Variants in CFAP70 observed in about 807,000 individuals in gnomAD.
CFAP70 encodes cilia- and flagella-associated protein 70.
CFAP70 carries 81 observed loss-of-function variants against 137.6 expected under a neutral mutation model. The ratio of observed to expected loss-of-function variants is 0.59; its 90% CI spans 0.49 to 0.71. The LOEUF (loss-of-function observed/expected upper bound fraction) is 0.71, where lower values mean the gene tolerates loss of function less well. CFAP70 is among the 30% of genes least tolerant of loss of function. The pLI, the probability that CFAP70 is intolerant of heterozygous loss-of-function variation, is 0.00. For missense variants in CFAP70, 976 were observed against 1,226.7 expected (o/e 0.80, Z 3.05); for synonymous variants, 382 against 423.6 (o/e 0.90, Z 1.20).
At chr10:73,335,663 AACT>A (rs1372271214) in intron 6 of CFAP70, 139 bp from the exon 8 acceptor site, 3 of 478,136 alleles carry the variant, frequency 6.3e-6, no homozygotes, top group Non-Finnish European at 1.1e-5. Context: ...CTACTATTGC[AACT>A]ACTACCACCA....
chr10:73,287,308 ATGG>A (rs2047799892), intron 19 of CFAP70, among the ~76,000 whole-genome samples: 1 of 152,204 alleles, frequency 6.6e-6, no homozygotes, highest in Non-Finnish European at 1.5e-5. Context: ...CTATAATACA[ATGG>A]TAAGTATTTG....
intron 5 of CFAP70, among the ~76,000 whole-genome samples, chr10:73,341,849 A>T (rs2053280452): frequency 6.6e-6 from 1 of 152,216 alleles, no homozygotes; most frequent in Admixed American, 6.5e-5. Context: ...GTAACTGATT[A>T]TTTCCCTGAA....
exon 12 of CFAP70, chr10:73,310,182 C>A: frequency 1.9e-6 from 3 of 1,612,370 alleles, no homozygotes; most frequent in Non-Finnish European, 1.7e-6. Flanking sequence ...CTCTGGCATT[C>A]GCTTTGGAAC....
rs1290832528 is a variant in CFAP70 at position 73,272,991 on chromosome 10, C to G, written c.2862G>C (p.Met954Ile). 5 of 1,552,100 alleles carry G rather than the reference C, an allele frequency of 3.2e-6. No individual in the cohort carries two copies. The Admixed American group carries it at 7.8e-5, about 24-fold the overall frequency. The stretch of plus-strand genomic sequence containing the variant: ...ATGAAGGTGATCTCTTACAGGCTTG[C>G]ATATAGGTTTTCTTTGCCTTTTCAT... Residue 954 changes from methionine to isoleucine, a missense_variant, in exon 24 of 27, where the codon ATG becomes ATC. Coordinates refer to ENST00000310715, the Ensembl canonical transcript of CFAP70.
chr10:73,355,316 G>A (rs559241443), intron 1 of CFAP70, among the ~76,000 whole-genome samples: 2 of 152,150 alleles, frequency 1.3e-5, no homozygotes, highest in Non-Finnish European at 2.9e-5. Context: ...ACAGGAGTGC[G>A]AACCCTATTG....
chr10:73,302,253 C>T (rs1270796681), intron 12 of CFAP70, among the ~76,000 whole-genome samples: 1 of 152,118 alleles, frequency 6.6e-6, no homozygotes, highest in Non-Finnish European at 1.5e-5. Context: ...CTCTGGGGGA[C>T]TCCAACATTT....
At chr10:73,263,301 C>T (rs989876578) in intron 25 of CFAP70, among the ~76,000 whole-genome samples, 4 of 152,100 alleles carry the variant, frequency 2.6e-5, no homozygotes, top group Non-Finnish European at 2.9e-5. Flanking sequence ...CTCACTATGT[C>T]GCCCAGGCTG....
intron 25 of CFAP70, among the ~76,000 whole-genome samples, chr10:73,259,895 C>T (rs1401638233): frequency 6.6e-6 from 1 of 151,428 alleles, no homozygotes; most frequent in Middle Eastern, 3.2e-3. Context: ...GGCATGGTGG[C>T]ACACATCTGT....
At chr10:73,288,215 G>A (rs2047894556) in intron 19 of CFAP70, among the ~76,000 whole-genome samples, 1 of 152,012 alleles carries the variant, frequency 6.6e-6, no homozygotes, top group Non-Finnish European at 1.5e-5. Context: ...CAAAAACATT[G>A]ATGGGCACTT....
chr10:73,256,415 A>C (rs773643557), exon 26 of CFAP70: 22 of 1,614,006 alleles, frequency 1.4e-5, no homozygotes, highest in African/African-American at 6.7e-5. Flanking sequence ...TTGCCGTCCA[A>C]CCTGAAAAAA....
At chr10:73,304,261 C>A (rs1426630160) in intron 12 of CFAP70, among the ~76,000 whole-genome samples, 1 of 152,116 alleles carries the variant, frequency 6.6e-6, no homozygotes, top group Non-Finnish European at 1.5e-5. Flanking sequence ...CCCACATTGG[C>A]CAGGCTGGTG....
At chr10:73,283,710 CT>C (rs1397456337) in intron 19 of CFAP70, among the ~76,000 whole-genome samples, 1 of 152,106 alleles carries the variant, frequency 6.6e-6, no homozygotes, top group African/African-American at 2.4e-5. Context: ...CTTAATTTAT[CT>C]ATATCACTAT....
intron 9 of CFAP70, among the ~76,000 whole-genome samples, chr10:73,320,295 TA>T (rs1458712042): frequency 6.6e-6 from 1 of 152,150 alleles, no homozygotes; most frequent in Admixed American, 6.5e-5. Context: ...ATATTATATG[TA>T]ACATTTGCAT....
chr10:73,314,334 T>C (rs1458334370), intron 9 of CFAP70, among the ~76,000 whole-genome samples: 1 of 152,172 alleles, frequency 6.6e-6, no homozygotes, highest in Non-Finnish European at 1.5e-5. Flanking sequence ...ATAAAGCTGT[T>C]TGAAAACAAT....
chr10:73,278,460 A>G (rs2046964016), intron 19 of CFAP70, 123 bp from the exon 21 acceptor site: 1 of 744,592 alleles, frequency 1.3e-6, no homozygotes, highest in African/African-American at 1.8e-5. Flanking sequence ...TGAAGGACAG[A>G]CTTGTTTGGT....
chr10:73,353,232 G>A (rs953521862), intron 3 of CFAP70, among the ~76,000 whole-genome samples: 1 of 152,106 alleles, frequency 6.6e-6, no homozygotes, highest in African/African-American at 2.4e-5. Flanking sequence ...AACTTGTGAT[G>A]GGGAGGTGAT....
At chr10:73,274,320 T>C in intron 23 of CFAP70, 113 bp downstream of exon 24, 2 of 1,212,702 alleles carry the variant, frequency 1.6e-6, no homozygotes, top group Non-Finnish European at 2.3e-6. Flanking sequence ...TACCTTTGGA[T>C]GTAAAAGTGT....
At chr10:73,254,642 C>T (rs747500908) in intron 26 of CFAP70, among the ~76,000 whole-genome samples, 8 of 152,314 alleles carry the variant, frequency 5.3e-5, no homozygotes, top group South Asian at 2.1e-4. Context: ...GAAATGTAAA[C>T]TAAAGTCATT....
At chr10:73,259,027 T>C (rs1282632783) in intron 25 of CFAP70, among the ~76,000 whole-genome samples, 1 of 152,170 alleles carries the variant, frequency 6.6e-6, no homozygotes, top group Non-Finnish European at 1.5e-5. Context: ...TTATTGCCCT[T>C]GAAGCATGTG....
Sources: allele counts gnomAD v4.1 joint callset (sites outside exome capture counted in the v4.1 genomes callset), GRCh38; gene constraint gnomAD v4.1.1; transcripts MANE v1.5; gene names NCBI Gene and HGNC (gene_info 2026-07-23, HGNC 2026-07-21).